RPS6KA2: variants seen among roughly 807,000 people sequenced by gnomAD.
RPS6KA2 encodes the protein ribosomal protein S6 kinase A2, also known as ribosomal protein S6 kinase alpha-2.
In RPS6KA2, 42 loss-of-function variants were observed where a neutral mutation model predicts 91.8. The observed-to-expected ratio is 0.46, with a 90% CI of 0.36 to 0.59. The LOEUF is 0.59. Among genes scored for constraint, RPS6KA2 ranks in the 20% least tolerant of loss-of-function variants. RPS6KA2 has a pLI of 0.00. For missense variants in RPS6KA2, 798 were observed against 978.5 expected (o/e 0.82, Z 2.46); for synonymous variants, 414 against 393.6 (o/e 1.05, Z -0.61).
intron 1 of RPS6KA2, among the ~76,000 whole-genome samples, chr6:166,620,229 G>T (rs1786575929): frequency 6.6e-6 from 1 of 152,082 alleles, no homozygotes; most frequent in African/African-American, 2.4e-5. Flanking sequence ...TCTTTTCTTT[G>T]GCAACAGGAG....
In RPS6KA2 at chr6:166,418,379, A is replaced by G. The variant is rs1479313507; in HGVS notation, c.1821-37T>C. ...GACAAATTTGTGGTAATGAGCTTGTATTTTACAACCTAAAATAAAGTTTGC... is the reference window on the plus strand; with the variant it reads ...GACAAATTTGTGGTAATGAGCTTGTGTTTTACAACCTAAAATAAAGTTTGC... On this transcript the variant is annotated intron_variant, in intron 18 of 20. Transcript: ENST00000265678. This position sits in a 1 kb window ranked among gnomAD's most constrained non-coding sequence, Gnocchi z 4.9. 1.4e-5 allele frequency: 21 copies of G among 1,481,990 alleles called. No individual in the cohort carries two copies. The Admixed American group carries it at 1.5e-4, about 11-fold the overall frequency. The allele number at this position is 1,481,990 out of a possible 1,614,324, so 91.8% of individuals were successfully genotyped here. A position where few individuals can be genotyped will look rare whatever the true frequency, so the allele number is the denominator to read the frequency against.
At chr6:166,656,746 C>T (rs532671890) in intron 2 of RPS6KA2, among the ~76,000 whole-genome samples, 2 of 152,326 alleles carry the variant, frequency 1.3e-5, no homozygotes, top group East Asian at 3.9e-4. Context: ...CCAGAATTCC[C>T]TGTGGAAAAG....
chr6:166,455,763 C>T (rs1163333543), intron 12 of RPS6KA2, among the ~76,000 whole-genome samples: 1 of 152,230 alleles, frequency 6.6e-6, no homozygotes, highest in Non-Finnish European at 1.5e-5. Flanking sequence ...TGCACAAAGT[C>T]TGGCTTTGAG....
chr6:166,483,233 C>T (rs1781295993), intron 10 of RPS6KA2, among the ~76,000 whole-genome samples: 1 of 152,214 alleles, frequency 6.6e-6, no homozygotes, highest in Admixed American at 6.5e-5. Flanking sequence ...GGACCATCAA[C>T]CCCACCTTCA....
intron 2 of RPS6KA2, among the ~76,000 whole-genome samples, chr6:166,681,693 CCCCCCCCCG>C (rs1197672050): frequency 6.0e-5 from 4 of 66,888 alleles, no homozygotes; most frequent in South Asian, 1.6e-3. Flanking sequence ...CCTGCCCGCC[CCCCCCCCCG>C]CCCCCGCCCA....
chr6:166,455,658 C>A (rs767563192), intron 12 of RPS6KA2, among the ~76,000 whole-genome samples: 3 of 152,316 alleles, frequency 2.0e-5, no homozygotes, highest in African/African-American at 7.2e-5. Flanking sequence ...CAGCGCGACC[C>A]GGCAGAGAAG....
intron 3 of RPS6KA2, among the ~76,000 whole-genome samples, chr6:166,518,142 C>T (rs917865662): frequency 4.0e-5 from 6 of 150,854 alleles, no homozygotes; most frequent in Non-Finnish European, 7.4e-5. Context: ...AAAAAATTAG[C>T]CAGGAATGGT....
intron 2 of RPS6KA2, among the ~76,000 whole-genome samples, chr6:166,776,947 G>A (rs1778637537): frequency 6.6e-6 from 1 of 152,216 alleles, no homozygotes; most frequent in Non-Finnish European, 1.5e-5. Context: ...GTCAGCCGCA[G>A]CCTTTCATGT....
At chr6:166,670,678 A>G (rs1052415468) in intron 2 of RPS6KA2, among the ~76,000 whole-genome samples, 22 of 152,038 alleles carry the variant, frequency 1.4e-4, no homozygotes, top group African/African-American at 5.1e-4. Flanking sequence ...TATGACCCTC[A>G]CCTCTCAGGG....
rs547872912 is a variant in RPS6KA2, at chr6:166,648,210, GCA to G, written c.124-109428_124-109427del. Among the ~76,000 whole-genome samples the G allele has an allele frequency of 4.9e-5, 7 of 141,916 alleles. No individual in the cohort carries two copies. Among genetic ancestry groups the G allele is most frequent in the South Asian group, 2.3e-4 (1 of 4,308 alleles). 93.1% of individuals were successfully genotyped at this position (141,916 alleles called of 152,430 possible). On this transcript the variant is annotated intron_variant, in intron 2 of 21. Coordinates refer to the RPS6KA2 transcript ENST00000503859. This position sits in a 1 kb window ranked among gnomAD's most constrained non-coding sequence, Gnocchi z 4.8. ...CACACATGCTCATACACACACTCAT[GCA>G]CACACACGCACATGCGCACACACAC...
chr6:166,417,178 T>A (rs1778562361), intron 19 of RPS6KA2, among the ~76,000 whole-genome samples: 2 of 152,226 alleles, frequency 1.3e-5, no homozygotes, highest in Admixed American at 1.3e-4. Context: ...ATTCAAAGTA[T>A]TTTACAAGAA....
At chr6:166,734,080 A>AG (rs1490574299) in intron 2 of RPS6KA2, among the ~76,000 whole-genome samples, 1 of 152,162 alleles carries the variant, frequency 6.6e-6, no homozygotes, top group Non-Finnish European at 1.5e-5. Flanking sequence ...CCCCAACAAT[A>AG]GGATATGAGA....
chr6:166,432,145 G>A (rs980202659), intron 15 of RPS6KA2, among the ~76,000 whole-genome samples: 5 of 152,144 alleles, frequency 3.3e-5, no homozygotes, highest in Non-Finnish European at 7.4e-5. Context: ...GAGAGACTCC[G>A]CCTGTGGACT....
chr6:166,512,161 T>C (rs1782495813), intron 3 of RPS6KA2, among the ~76,000 whole-genome samples: 1 of 152,166 alleles, frequency 6.6e-6, no homozygotes, highest in African/African-American at 2.4e-5. Context: ...AGTAAAATTC[T>C]AACACACAGT....
At chr6:166,800,419 C>A (rs759231863) in intron 2 of RPS6KA2, among the ~76,000 whole-genome samples, 2 of 152,202 alleles carry the variant, frequency 1.3e-5, no homozygotes, top group African/African-American at 4.8e-5. Flanking sequence ...CCTTCCACAG[C>A]GCATACACTG....
At chr6:166,783,838 A>AGTTACG (rs1477906206) in intron 2 of RPS6KA2, among the ~76,000 whole-genome samples, 5 of 76,424 alleles carry the variant, frequency 6.5e-5, no homozygotes, top group South Asian at 4.8e-4. Flanking sequence ...ACACGTGCAC[A>AGTTACG]CCTATCTATA....
intron 14 of RPS6KA2, among the ~76,000 whole-genome samples, chr6:166,444,607 G>A (rs1238030446): frequency 6.6e-6 from 1 of 152,246 alleles, no homozygotes; most frequent in Non-Finnish European, 1.5e-5. Flanking sequence ...GCTGCATCAA[G>A]TCCAGCCTGA....
intron 2 of RPS6KA2, chr6:166,701,073 T>C (rs1169288587): frequency 7.7e-6 from 12 of 1,550,838 alleles, no homozygotes; most frequent in Admixed American, 1.7e-5. Flanking sequence ...TCTGCCTCCG[T>C]GGTGGGCTGT....
At chr6:166,431,812 C>T (rs1271256883) in intron 15 of RPS6KA2, among the ~76,000 whole-genome samples, 1 of 151,938 alleles carries the variant, frequency 6.6e-6, no homozygotes, top group African/African-American at 2.4e-5. Flanking sequence ...GATGGGGTTT[C>T]ACCATGTTGA....
Sources: allele counts gnomAD v4.1 joint callset (sites outside exome capture counted in the v4.1 genomes callset), GRCh38; gene constraint gnomAD v4.1.1; non-coding constraint Gnocchi (gnomAD v3.1); transcripts MANE v1.5; gene names NCBI Gene and HGNC (gene_info 2026-07-23, HGNC 2026-07-21).